Variants in CFAP58 observed in about 807,000 individuals in gnomAD.
The protein encoded by CFAP58 is cilia- and flagella-associated protein 58.
CFAP58 carries 88 observed loss-of-function variants against 119.5 expected under a neutral mutation model. The ratio of observed to expected loss-of-function variants is 0.74; its 90% CI spans 0.62 to 0.88. CFAP58 has a LOEUF of 0.88. CFAP58 is among the 40% of genes least tolerant of loss of function. The pLI is 0.00. For missense variants in CFAP58, 990 were observed against 1,021.2 expected (o/e 0.97, Z 0.42); for synonymous variants, 365 against 366.3 (o/e 1.00, Z 0.04).
In CFAP58 at chr10:104,357,948, C is replaced by CAT. The variant is rs554374749; in HGVS notation, c.10-387_10-386dup. ...ACACATATACACACATATATGTACA[C>CAT]ATATATACACATATATGTACACATA... On this transcript the variant is annotated intron_variant, in intron 1 of 17. Transcript: ENST00000369704. Among the ~76,000 whole-genome samples, 108 of 117,150 alleles carry CAT rather than the reference C, an allele frequency of 9.2e-4. 4 individuals are homozygous for CAT. The highest frequency in any genetic ancestry group is 5.5e-3 in the Admixed American group (72 of 13,174). 76.9% of individuals were successfully genotyped at this position (117,150 alleles called of 152,430 possible).
chr10:104,446,339 T>C (rs1286227180), intron 15 of CFAP58, among the ~76,000 whole-genome samples: 1 of 152,254 alleles, frequency 6.6e-6, no homozygotes, highest in East Asian at 1.9e-4. Flanking sequence ...TTTTCATATG[T>C]GTTTTTCCCA....
intron 5 of CFAP58, among the ~76,000 whole-genome samples, chr10:104,366,879 AT>A (rs1037433884): frequency 4.0e-5 from 6 of 150,798 alleles, no homozygotes; most frequent in African/African-American, 9.7e-5. Flanking sequence ...TTTTATTTTT[AT>A]TTTTTTTGAG....
rs2013257976 is a variant in CFAP58 at position 104,454,982 on chromosome 10, G to C, written c.*452G>C. On this transcript the variant is annotated 3_prime_UTR_variant, in exon 18 of 18. Coordinates refer to ENST00000369704, the MANE Select transcript of CFAP58 (RefSeq NM_001008723.2). ...GGACAAACTCTTAAGAATTTAAAAA[G>C]TGTTTTGAGAATGATTTCTATATGG... 6.6e-6 allele frequency: 1 copy of C among 152,430 alleles called. No individual in the cohort carries two copies. Among genetic ancestry groups the C allele is most frequent in the African/African-American group, 2.4e-5 (1 of 41,456 alleles). The allele number at this position is 152,430 out of a possible 1,614,324, so 9.4% of individuals were successfully genotyped here.
Position 104,357,939 on chromosome 10 carries a change from A to G in CFAP58, c.10-402A>G, listed in dbSNP as rs921238226. ...CATATATGTACACATATACACACAT[A>G]TATGTACACATATATACACATATAT... On this transcript the variant is annotated intron_variant, in intron 1 of 17. Coordinates refer to ENST00000369704, the MANE Select transcript of CFAP58 (RefSeq NM_001008723.2). 7.4e-5 allele frequency among the ~76,000 whole-genome samples: 9 copies of G among 120,986 alleles called. 2 individuals are homozygous for G. The highest frequency in any genetic ancestry group is 4.6e-4 in the South Asian group (2 of 4,320). 79.4% of individuals were successfully genotyped at this position (120,986 alleles called of 152,430 possible). A position where few individuals can be genotyped will look rare whatever the true frequency, so the allele number is the denominator to read the frequency against.
chr10:104,368,226 C>A (rs757417935), intron 5 of CFAP58, among the ~76,000 whole-genome samples, 197 bp from the exon 6 acceptor site: 1 of 152,228 alleles, frequency 6.6e-6, no homozygotes, highest in Non-Finnish European at 1.5e-5. Flanking sequence ...TAGAAGGCAT[C>A]ATTTTCCTCA....
At chr10:104,437,435 C>A (rs2012952821) in intron 15 of CFAP58, among the ~76,000 whole-genome samples, 1 of 152,188 alleles carries the variant, frequency 6.6e-6, no homozygotes, top group Admixed American at 6.6e-5. Flanking sequence ...ATGACTAACC[C>A]CTGCCCATTC....
intron 15 of CFAP58, among the ~76,000 whole-genome samples, chr10:104,424,624 AG>A (rs2012713570): frequency 6.6e-6 from 1 of 152,184 alleles, no homozygotes. Context: ...GATCTCCGTG[AG>A]CAGTGTGTGA....
chr10:104,368,566 C>A lies in CFAP58; in HGVS notation c.930+6C>A, dbSNP rs369048430. 125 of 1,613,640 alleles carry A rather than the reference C, an allele frequency of 7.7e-5. 1 individual carries two copies. In the African/African-American group the frequency reaches 1.6e-3, roughly 21 times the overall value. ...AGAAGGCGTTGGAGCTCAAAGTAAACACCAAGTTACATGTCTGTTCCCTAG... is the reference window on the plus strand; with the variant it reads ...AGAAGGCGTTGGAGCTCAAAGTAAAAACCAAGTTACATGTCTGTTCCCTAG... On this transcript the variant is annotated splice_donor_region_variant and intron_variant, in intron 6 of 17. Transcript: ENST00000369704.
chr10:104,419,170 G>A (rs1168737352), intron 15 of CFAP58, among the ~76,000 whole-genome samples: 4 of 152,160 alleles, frequency 2.6e-5, no homozygotes, highest in Admixed American at 6.5e-5. Flanking sequence ...AGGTTGGAAG[G>A]AGCAATTGGA....
the CFAP58 span, among the ~76,000 whole-genome samples, chr10:104,340,793 G>C: frequency 6.6e-6 from 1 of 152,168 alleles, no homozygotes; most frequent in African/African-American, 2.4e-5. Flanking sequence ...ATTGGGGTTA[G>C]TATCTATTCA....
intron 9 of CFAP58, among the ~76,000 whole-genome samples, chr10:104,390,826 G>A (rs1044406861): frequency 2.0e-5 from 3 of 151,920 alleles, no homozygotes; most frequent in African/African-American, 7.2e-5. Context: ...TATATATAAA[G>A]AAATTAAAAT....
intron 15 of CFAP58, among the ~76,000 whole-genome samples, chr10:104,407,964 G>A (rs1188539256): frequency 6.6e-6 from 1 of 152,194 alleles, no homozygotes; most frequent in Non-Finnish European, 1.5e-5. Context: ...CCAAAGTGCT[G>A]GGATTACAGG....
chr10:104,399,546 G>GT (rs757798141), intron 12 of CFAP58, 46 bp downstream of exon 12: 1 of 1,594,946 alleles, frequency 6.3e-7, no homozygotes, highest in Non-Finnish European at 8.6e-7. Context: ...CAACAGACAC[G>GT]GGTATTTAAT....
At chr10:104,400,975 A>G (rs2012254126) in intron 13 of CFAP58, 72 bp downstream of exon 13, 2 of 1,046,200 alleles carry the variant, frequency 1.9e-6, no homozygotes, top group South Asian at 2.9e-5. Context: ...CTTCGTAGTC[A>G]TGCTTGTTGC....
chr10:104,400,655 A>G (rs554447573), intron 12 of CFAP58, 25 bp from the exon 13 acceptor site: 3 of 1,592,442 alleles, frequency 1.9e-6, no homozygotes, highest in Admixed American at 1.7e-5. Flanking sequence ...TTCCCTGGTG[A>G]CTATGCCCCT....
In CFAP58 at chr10:104,387,838, T is replaced by C. The variant is rs951687374; in HGVS notation, c.1366-4395T>C. ...TCTGGCAGTCACCTCGCAGACATTTTATATGCCAGAAAACATTCTTTTGCA... is the reference window on the plus strand; with the variant it reads ...TCTGGCAGTCACCTCGCAGACATTTCATATGCCAGAAAACATTCTTTTGCA... On this transcript the variant is annotated intron_variant, in intron 9 of 17. Coordinates refer to ENST00000369704, the MANE Select transcript of CFAP58 (RefSeq NM_001008723.2). Among the ~76,000 whole-genome samples the C allele has an allele frequency of 7.9e-5, 12 of 152,216 alleles. No homozygotes were observed. In the South Asian group the frequency reaches 2.1e-3, roughly 26 times the overall value.
chr10:104,346,631 G>GTATTTTTTTT, the CFAP58 span, among the ~76,000 whole-genome samples: 1 of 94,890 alleles, frequency 1.1e-5, no homozygotes, highest in African/African-American at 4.9e-5. Flanking sequence ...GAGCCATTTA[G>GTATTTTTTTT]TCTTTTTTTT....
chr10:104,392,097 T>G, intron 9 of CFAP58, 136 bp from the exon 10 acceptor site: 1 of 704,676 alleles, frequency 1.4e-6, no homozygotes, highest in Admixed American at 2.7e-5. Context: ...TGTACTGCAG[T>G]GATTATAGCC....
At chr10:104,430,900 T>G (rs113910813) in intron 15 of CFAP58, among the ~76,000 whole-genome samples, 2,548 of 152,338 alleles carry the variant, frequency 0.017, 71 homozygotes, top group African/African-American at 0.057. Context: ...ATATTTTATA[T>G]TTTTTGTACT....
Sources: allele counts gnomAD v4.1 joint callset (sites outside exome capture counted in the v4.1 genomes callset), GRCh38; gene constraint gnomAD v4.1.1; transcripts MANE v1.5; gene names NCBI Gene and HGNC (gene_info 2026-07-23, HGNC 2026-07-21).